CACNA1E: variants seen among roughly 807,000 people sequenced by gnomAD.
The protein encoded by CACNA1E is voltage-dependent R-type calcium channel subunit alpha-1E.
Under a neutral mutation model 259.2 loss-of-function variants are expected in CACNA1E, and 40 were observed. The ratio of observed to expected loss-of-function variants is 0.15; its 90% confidence interval spans 0.12 to 0.20. CACNA1E has a LOEUF of 0.20. Ranked by LOEUF, CACNA1E falls within the 10% of genes least tolerant of loss-of-function variation. The pLI is 1.00. For synonymous variants in CACNA1E, 1,104 were observed against 1,138.5 expected (o/e 0.97, Z 0.61); for missense variants, 1,874 against 3,040.1 (o/e 0.62, Z 9.02).
At chr1:181,325,496 C>G (rs528197227) in intron 1 of CACNA1E, among the ~76,000 whole-genome samples, 1 of 152,288 alleles carries the variant, frequency 6.6e-6, no homozygotes, top group African/African-American at 2.4e-5. Context: ...AATTCTCATG[C>G]CCAGTCCCAG....
chr1:181,381,906 C>T (rs559350523), intron 1 of CACNA1E, among the ~76,000 whole-genome samples: 2 of 151,990 alleles, frequency 1.3e-5, no homozygotes, highest in Non-Finnish European at 2.9e-5. Context: ...CTGAGAAAAC[C>T]CAGGAGCTAG....
intron 3 of CACNA1E, among the ~76,000 whole-genome samples, chr1:181,566,186 C>T (rs1337656282): frequency 2.0e-5 from 3 of 152,134 alleles, no homozygotes; most frequent in Non-Finnish European, 2.9e-5. Flanking sequence ...CATTATCTTT[C>T]GTAGCTTTTG....
chr1:181,518,730 A>C (rs1431972474), intron 3 of CACNA1E, among the ~76,000 whole-genome samples: 5 of 152,204 alleles, frequency 3.3e-5, no homozygotes, highest in Non-Finnish European at 7.3e-5. Context: ...TGGTTCACTC[A>C]ACAGATATAT....
chr1:181,646,595 C>T (rs1272794441), intron 6 of CACNA1E, among the ~76,000 whole-genome samples: 1 of 152,236 alleles, frequency 6.6e-6, no homozygotes, highest in Non-Finnish European at 1.5e-5. Flanking sequence ...AGAGGGTGCA[C>T]AGACAGGGAG....
At chr1:181,457,085 A>AT (rs1288244704) in intron 2 of CACNA1E, among the ~76,000 whole-genome samples, 3 of 152,216 alleles carry the variant, frequency 2.0e-5, no homozygotes, top group Non-Finnish European at 2.9e-5. Flanking sequence ...ACAGAAATTT[A>AT]TTTTTTATAG....
chr1:181,568,684 C>T (rs982792405), intron 3 of CACNA1E, among the ~76,000 whole-genome samples: 1 of 152,150 alleles, frequency 6.6e-6, no homozygotes, highest in African/African-American at 2.4e-5. Context: ...CAGCCTCTAT[C>T]TCCTGGGGTT....
intron 6 of CACNA1E, among the ~76,000 whole-genome samples, chr1:181,583,392 A>C (rs1183941674): frequency 1.3e-5 from 2 of 152,144 alleles, no homozygotes; most frequent in African/African-American, 2.4e-5. Context: ...GAAGAGCACT[A>C]AGAGAGGGGG....
chr1:181,627,601 G>A (rs189141374), intron 6 of CACNA1E, among the ~76,000 whole-genome samples: 1 of 152,268 alleles, frequency 6.6e-6, no homozygotes, highest in Non-Finnish European at 1.5e-5. Context: ...CACTGATGTT[G>A]GCTTCAGGAG....
At chr1:181,585,343 C>T (rs2102999176) in intron 6 of CACNA1E, among the ~76,000 whole-genome samples, 1 of 152,302 alleles carries the variant, frequency 6.6e-6, no homozygotes, top group South Asian at 2.1e-4. Flanking sequence ...CTTTTCCCCT[C>T]TGTTTACATT....
chr1:181,399,058 C>T (rs900358145), intron 1 of CACNA1E, among the ~76,000 whole-genome samples: 1 of 152,076 alleles, frequency 6.6e-6, no homozygotes, highest in Non-Finnish European at 1.5e-5. Flanking sequence ...TTCAGTGAGT[C>T]CCCCCACCAC....
intron 3 of CACNA1E, among the ~76,000 whole-genome samples, chr1:181,515,137 G>T (rs182675736): frequency 6.6e-6 from 1 of 152,014 alleles, no homozygotes; most frequent in African/African-American, 2.4e-5. Flanking sequence ...TGTGGTTGCA[G>T]GTTCCTTTAG....
chr1:181,719,482 A>G (rs1330224614), intron 12 of CACNA1E, among the ~76,000 whole-genome samples: 2 of 152,212 alleles, frequency 1.3e-5, no homozygotes, highest in African/African-American at 4.8e-5. Flanking sequence ...CAGAAGCAGC[A>G]ACTGGCTGTT....
At chr1:181,372,741 C>T (rs1252937769) in intron 1 of CACNA1E, among the ~76,000 whole-genome samples, 1 of 151,474 alleles carries the variant, frequency 6.6e-6, no homozygotes, top group African/African-American at 2.4e-5. Context: ...CATGGGGGCT[C>T]TCATTATTTT....
Position 181,413,705 on chromosome 1 carries a change from G to A in CACNA1E, c.434+125G>A, listed in dbSNP as rs111770232. The A allele has an allele frequency of 4.5e-3, 686 of 152,698 alleles. 3 individuals are homozygous for A. The highest frequency in any genetic ancestry group is 7.4e-3 in the Non-Finnish European group (507 of 68,114). 9.5% of individuals were successfully genotyped at this position (152,698 alleles called of 1,614,324 possible). The stretch of plus-strand genomic sequence containing the variant: ...TCGGGAGATGCTTTCGCTGTGCTGC[G>A]ACTAACGAGAGGCTGGACCCTCTGG... On this transcript the variant is annotated intron_variant, in intron 2 of 11. Transcript: ENST00000524607.
At chr1:181,605,134 C>G (rs950495417) in intron 6 of CACNA1E, among the ~76,000 whole-genome samples, 1 of 152,086 alleles carries the variant, frequency 6.6e-6, no homozygotes, top group Non-Finnish European at 1.5e-5. Context: ...CATGCATGCT[C>G]ATACATTCAC....
intron 1 of CACNA1E, among the ~76,000 whole-genome samples, chr1:181,373,537 C>CT (rs5779097): frequency 0.15 from 18,661 of 120,888 alleles, 1,664 homozygotes; most frequent in East Asian, 0.24. Flanking sequence ...TCTTTTCTTT[C>CT]TTTTTTTTTT....
intron 9 of CACNA1E, 111 bp from the exon 10 acceptor site, chr1:181,715,929 G>T (rs1289910735): frequency 5.3e-5 from 37 of 694,440 alleles, no homozygotes; most frequent in African/African-American, 1.2e-4. Flanking sequence ...ATAGATGCCT[G>T]TGTTACAGGG....
At chr1:181,532,127 G>A (rs941286125) in intron 3 of CACNA1E, among the ~76,000 whole-genome samples, 5 of 152,172 alleles carry the variant, frequency 3.3e-5, no homozygotes, top group Non-Finnish European at 7.3e-5. Flanking sequence ...ACTCTGAGGA[G>A]GCTGGTGTGT....
intron 7 of CACNA1E, among the ~76,000 whole-genome samples, chr1:181,691,603 T>C (rs1651165040): frequency 6.6e-6 from 1 of 152,126 alleles, no homozygotes; most frequent in African/African-American, 2.4e-5. Flanking sequence ...AAAAAGCCTT[T>C]GATAAAATCC....
Sources: allele counts gnomAD v4.1 joint callset (sites outside exome capture counted in the v4.1 genomes callset), GRCh38; gene constraint gnomAD v4.1.1; transcripts MANE v1.5; gene names NCBI Gene and HGNC (gene_info 2026-07-23, HGNC 2026-07-21).